The following DUSP11 variants were observed in gnomAD, a reference collection of about 807,000 sequenced individuals.
DUSP11 encodes RNA/RNP complex-1-interacting phosphatase.
DUSP11 carries 27 observed loss-of-function variants against 41.4 expected under a neutral mutation model. The ratio of observed to expected loss-of-function variants is 0.65; its 90% CI spans 0.48 to 0.90. DUSP11 has a LOEUF of 0.90. Among genes scored for constraint, DUSP11 ranks in the 40% least tolerant of loss-of-function variants. DUSP11 has a pLI of 0.00. For synonymous variants in DUSP11, 188 were observed against 159.3 expected (o/e 1.18, Z -1.35); for missense variants, 465 against 461.1 (o/e 1.01, Z -0.08).
intron 4 of DUSP11, among the ~76,000 whole-genome samples, chr2:73,772,487 A>C (rs926384634): frequency 2.0e-5 from 3 of 152,224 alleles, no homozygotes; most frequent in Non-Finnish European, 4.4e-5. Flanking sequence ...TATCCAACTG[A>C]CTACAATCAG....
chr2:73,769,268 C>T, exon 5 of DUSP11: 1 of 1,613,216 alleles, frequency 6.2e-7, no homozygotes, highest in Non-Finnish European at 8.5e-7. Flanking sequence ...AACTTACCTG[C>T]AAATGAGGTA....
At chr2:73,779,920 C>T (rs1308910064) in exon 1 of DUSP11, 10 of 1,614,112 alleles carry the variant, frequency 6.2e-6, no homozygotes, top group Non-Finnish European at 8.5e-6. Flanking sequence ...GAGGAGCGTC[C>T]TGAAAAGTCG....
At chr2:73,766,083 GT>G (rs1672453471) in intron 8 of DUSP11, among the ~76,000 whole-genome samples, 2 of 152,186 alleles carry the variant, frequency 1.3e-5, no homozygotes, top group Non-Finnish European at 2.9e-5. Context: ...GCTGAGGCGG[GT>G]AGATCACAGG....
intron 7 of DUSP11, 52 bp downstream of exon 7, chr2:73,766,776 A>G: frequency 3.4e-6 from 5 of 1,482,606 alleles, no homozygotes; most frequent in Non-Finnish European, 4.7e-6. Context: ...TAAATTACAT[A>G]AACAGAGATC....
chr2:73,770,686 T>C (rs1241836505), intron 4 of DUSP11, among the ~76,000 whole-genome samples: 1 of 152,182 alleles, frequency 6.6e-6, no homozygotes, highest in Non-Finnish European at 1.5e-5. Flanking sequence ...CAATTTAGCA[T>C]AGCATGAAGC....
intron 4 of DUSP11, among the ~76,000 whole-genome samples, chr2:73,772,212 G>T (rs1672596264): frequency 1.3e-5 from 2 of 152,192 alleles, no homozygotes; most frequent in Non-Finnish European, 2.9e-5. Flanking sequence ...TATCATCTCT[G>T]TGTCTTCATG....
At chr2:73,763,936 G>A (rs546823307) in intron 8 of DUSP11, among the ~76,000 whole-genome samples, 1 of 152,072 alleles carries the variant, frequency 6.6e-6, no homozygotes, top group East Asian at 1.9e-4. Context: ...TTATAGTATG[G>A]ATATAATTAT....
intron 5 of DUSP11, chr2:73,767,725 T>A (rs1385498357): frequency 6.5e-6 from 1 of 154,508 alleles, no homozygotes; most frequent in East Asian, 1.9e-4. Context: ...CCTAAATATC[T>A]CTATAGAGTA....
At chr2:73,769,163 T>C (rs188974266) in intron 5 of DUSP11, 102 bp downstream of exon 5, 1 of 940,786 alleles carries the variant, frequency 1.1e-6, no homozygotes, top group Admixed American at 2.2e-5. Context: ...GCCTTCTACT[T>C]CATGTATTTC....
exon 8 of DUSP11, chr2:73,766,553 T>C: frequency 6.2e-7 from 1 of 1,613,724 alleles, no homozygotes; most frequent in Non-Finnish European, 8.5e-7. Context: ...ATGTGCTGAG[T>C]CTTCAAAATC....
At chr2:73,775,897 G>T (rs1290645480) in intron 2 of DUSP11, among the ~76,000 whole-genome samples, 3 of 146,110 alleles carry the variant, frequency 2.1e-5, no homozygotes, top group Non-Finnish European at 3.0e-5. Flanking sequence ...AAGAGATAGG[G>T]TCTTGCCGTC....
chr2:73,769,658 T>C (rs1189329586), intron 4 of DUSP11, among the ~76,000 whole-genome samples: 4 of 152,194 alleles, frequency 2.6e-5, no homozygotes, highest in African/African-American at 9.7e-5. Flanking sequence ...AAGAGAAGAA[T>C]GAAATTTGTT....
At chr2:73,779,706 G>A in intron 1 of DUSP11, 168 bp downstream of exon 1, 12 of 976,104 alleles carry the variant, frequency 1.2e-5, no homozygotes, top group Admixed American at 2.9e-5. Flanking sequence ...CACAGACATC[G>A]CCCCTTTCAG....
intron 3 of DUSP11, among the ~76,000 whole-genome samples, chr2:73,774,609 T>C (rs565303415): frequency 3.3e-5 from 5 of 152,362 alleles, no homozygotes; most frequent in African/African-American, 9.6e-5. Flanking sequence ...CTATTCTAGG[T>C]ACTTCATACA....
exon 7 of DUSP11, chr2:73,766,847 G>T: frequency 6.2e-7 from 1 of 1,612,848 alleles, no homozygotes; most frequent in Non-Finnish European, 8.5e-7. Flanking sequence ...GGACCATTCT[G>T]AAGGTCTTCA....
At chr2:73,773,571 A>G (rs1672625314) in intron 4 of DUSP11, 2 of 451,728 alleles carry the variant, frequency 4.4e-6, no homozygotes, top group South Asian at 4.9e-5. Flanking sequence ...AAGAAAGATG[A>G]GCCAGTTCAG....
chr2:73,766,937 A>T (rs774330083), intron 6 of DUSP11, 34 bp from the exon 7 acceptor site: 1 of 1,576,928 alleles, frequency 6.3e-7, no homozygotes, highest in Non-Finnish European at 8.7e-7. Flanking sequence ...AAATAACTGT[A>T]CAAAAAGCAG....
intron 2 of DUSP11, among the ~76,000 whole-genome samples, chr2:73,775,389 T>G (rs953643099): frequency 6.8e-6 from 1 of 147,986 alleles, no homozygotes; most frequent in Non-Finnish European, 1.5e-5. Context: ...TTTTTTTTTT[T>G]GAAACAGGGT....
intron 2 of DUSP11, among the ~76,000 whole-genome samples, chr2:73,775,370 C>A (rs576431321): frequency 7.9e-6 from 1 of 127,376 alleles, no homozygotes; most frequent in Non-Finnish European, 1.7e-5. Flanking sequence ...TATTTCTTTT[C>A]TTTTTTTTTT....
Sources: allele counts gnomAD v4.1 joint callset (sites outside exome capture counted in the v4.1 genomes callset), GRCh38; gene constraint gnomAD v4.1.1; transcripts MANE v1.5; gene names NCBI Gene and HGNC (gene_info 2026-07-23, HGNC 2026-07-21).